FANCM: variants seen among roughly 807,000 people sequenced by gnomAD.
The protein encoded by FANCM is FA complementation group M, also known as Fanconi anemia group M protein.
FANCM carries 140 observed loss-of-function variants against 199.5 expected under a neutral mutation model. That is an observed-to-expected ratio of 0.70 (90% CI 0.61 to 0.81). The LOEUF (loss-of-function observed/expected upper bound fraction) is 0.81. Ranked by LOEUF, FANCM falls within the 30% of genes least tolerant of loss-of-function variation. FANCM has a pLI of 0.00. For synonymous variants in FANCM, 840 were observed against 836.8 expected (o/e 1.00, Z -0.07); for missense variants, 2,410 against 2,421.4 (o/e 1.00, Z 0.10).
At chr14:45,144,545 C>T (rs1036203017) in intron 3 of FANCM, among the ~76,000 whole-genome samples, 1 of 152,190 alleles carries the variant, frequency 6.6e-6, no homozygotes. Flanking sequence ...GCTAAGCTTG[C>T]ACTCAAAGCA....
Position 45,185,392 on chromosome 14 carries a change from C to T in FANCM, c.4672+19C>T. ...ATAAATGGTAAATGTTATAATGATC[C>T]TTAAAATTTTTTTCAATGTTTTTAT... On this transcript the variant is annotated intron_variant, in intron 18 of 22. Coordinates refer to ENST00000267430, the MANE Select transcript of FANCM (RefSeq NM_020937.4). 4 of 1,482,322 alleles carry T rather than the reference C, an allele frequency of 2.7e-6. No individual in the cohort carries two copies. Among genetic ancestry groups the T allele is most frequent in the Non-Finnish European group, 3.7e-6 (4 of 1,086,048 alleles). The allele number at this position is 1,482,322 out of a possible 1,614,324, so 91.8% of individuals were successfully genotyped here. A position where few individuals can be genotyped will look rare whatever the true frequency, so the allele number is the denominator to read the frequency against.
Position 45,196,355 on chromosome 14 carries a change from G to A in FANCM, c.5524G>A (p.Gly1842Arg). 1.2e-6 allele frequency: 2 copies of A among 1,614,088 alleles called. No homozygotes were observed. The highest frequency in any genetic ancestry group is 2.2e-5 in the South Asian group (2 of 91,074). Residue 1842 changes from glycine (G) to arginine (R), a missense_variant, in exon 21 of 23, where the codon GGG (glycine) becomes AGG (arginine). Gly to Arg is a moderately radical substitution (Grantham distance 125, BLOSUM62 -2). Coordinates refer to ENST00000267430, the MANE Select transcript of FANCM (RefSeq NM_020937.4). Reference sequence around the variant, plus strand: ...AATTTCTTCCCTAAGAGCAATTCATGGGTTGCAAGTAGAAGTTTGTCCTCT... The same window carrying A: ...AATTTCTTCCCTAAGAGCAATTCATAGGTTGCAAGTAGAAGTTTGTCCTCT... ...EVISSLRAIH[G>R]LQVEVCPLNG...
At chr14:45,146,007 C>A (rs371752855) in intron 3 of FANCM, among the ~76,000 whole-genome samples, 54 of 144,960 alleles carry the variant, frequency 3.7e-4, no homozygotes, top group Non-Finnish European at 7.4e-4. Flanking sequence ...TGCAGTGAGC[C>A]GAGATCCCGC....
chr14:45,142,702 G>A (rs1267320039), intron 3 of FANCM, among the ~76,000 whole-genome samples: 1 of 152,016 alleles, frequency 6.6e-6, no homozygotes, highest in African/African-American at 2.4e-5. Context: ...TAAGTCTGAT[G>A]TTTTCTCATG....
At chr14:45,141,521 C>T (rs956479477) in intron 3 of FANCM, among the ~76,000 whole-genome samples, 2 of 140,894 alleles carry the variant, frequency 1.4e-5, no homozygotes, top group African/African-American at 5.2e-5. Flanking sequence ...CCTCCCCTCC[C>T]CTTCCTCCTC....
At chr14:45,139,558 C>T (rs755532211) in intron 2 of FANCM, among the ~76,000 whole-genome samples, 6 of 152,066 alleles carry the variant, frequency 3.9e-5, no homozygotes, top group Non-Finnish European at 7.3e-5. Context: ...GAATGGGTGT[C>T]GAGTTCAAAC....
chr14:45,137,350 CT>C, intron 2 of FANCM, 109 bp downstream of exon 2: 1 of 860,660 alleles, frequency 1.2e-6, no homozygotes, highest in Non-Finnish European at 1.9e-6. Context: ...TATAAAAAGC[CT>C]TTACGTCTAT....
chr14:45,140,409 T>C (rs1196519837), intron 2 of FANCM, among the ~76,000 whole-genome samples: 1 of 152,156 alleles, frequency 6.6e-6, no homozygotes, highest in Non-Finnish European at 1.5e-5. Context: ...GATGTTGCAG[T>C]TTTTTCTGTA....
At position 45,164,449 on chromosome 14, in the gene FANCM, A is replaced by G; in HGVS notation, c.1672A>G (p.Ile558Val). 2 of 1,613,650 alleles carry G rather than the reference A, an allele frequency of 1.2e-6. No homozygotes were observed. The highest frequency in any genetic ancestry group is 1.3e-5 in the African/African-American group (1 of 75,046). ...EGLDIGEVDLIICFDSQKSPI... is the reference protein window; with the variant it reads ...EGLDIGEVDLVICFDSQKSPI... ...TTTGGATATAGGAGAAGTTGATCTT[A>G]TAATATGTTTTGATTCCCAGAAGAG... The change falls in exon 10 of 23, where the codon ATA (isoleucine) becomes GTA (valine). Residue 558 changes from isoleucine (I) to valine (V), a missense_variant. Ile to Val is a conservative substitution (Grantham distance 29). Coordinates refer to ENST00000267430, the MANE Select transcript of FANCM (RefSeq NM_020937.4).
At chr14:45,182,559 C>T (rs768962564) in intron 16 of FANCM, among the ~76,000 whole-genome samples, 8 of 152,120 alleles carry the variant, frequency 5.3e-5, no homozygotes, top group African/African-American at 1.9e-4. Flanking sequence ...AAAGTCACAG[C>T]GTCTGGCAGG....
In FANCM at chr14:45,200,770, T is replaced by A. The variant is rs1890311294; in HGVS notation, c.*762T>A. ...TTCCTCTGTTCACTCTGCAGTTCTC[T>A]TGCCTACTGCCATGTGGAAAAGGAA... is the stretch of plus-strand genomic sequence containing the variant. On this transcript the variant is annotated 3_prime_UTR_variant, in exon 23 of 23. Coordinates refer to ENST00000267430, the MANE Select transcript of FANCM (RefSeq NM_020937.4). 6.6e-6 allele frequency: 1 copy of A among 152,236 alleles called. No homozygotes were observed. The highest frequency in any genetic ancestry group is 2.4e-5 in the African/African-American group (1 of 41,460). 9.4% of individuals were successfully genotyped at this position (152,236 alleles called of 1,614,324 possible).
rs768614750 is a variant in FANCM, at chr14:45,175,323, G to C, written c.2569G>C (p.Val857Leu). The change falls in exon 14 of 23, where the codon GTG becomes CTG. Residue 857 changes from valine to leucine, a missense_variant. Physicochemically the swap from Val to Leu is conservative, Grantham distance 32. Transcript: ENST00000267430. ...TAAAATTGTTTCTTTAAAGAAAAAAGTGTCTAAAGAAATAAAAAAAGATCA... is the reference window on the plus strand; with the variant it reads ...TAAAATTGTTTCTTTAAAGAAAAAACTGTCTAAAGAAATAAAAAAAGATCA... ...PTKIVSLKKKVSKEIKKDQLK... is the reference protein window; with the variant it reads ...PTKIVSLKKKLSKEIKKDQLK... 5 of 1,561,292 alleles carry C rather than the reference G, an allele frequency of 3.2e-6. No homozygotes were observed. In the East Asian group the frequency reaches 6.7e-5, roughly 21 times the overall value.
At chr14:45,179,703 A>C (rs1270892274) in intron 14 of FANCM, among the ~76,000 whole-genome samples, 1 of 151,358 alleles carries the variant, frequency 6.6e-6, no homozygotes, top group South Asian at 2.1e-4. Context: ...CTGGCACTGT[A>C]GGCGCCTGCC....
At chr14:45,174,919 A>T (rs1888565242) in intron 13 of FANCM, 152 bp from the exon 14 acceptor site, 1 of 560,944 alleles carries the variant, frequency 1.8e-6, no homozygotes, top group African/African-American at 1.9e-5. Context: ...TATAATTTTG[A>T]TTTATCGGAA....
rs929321771 is a variant in FANCM, at chr14:45,152,021, T to C, written c.1050+493T>C. 6.0e-5 allele frequency among the ~76,000 whole-genome samples: 9 copies of C among 151,198 alleles called. No homozygotes were observed. In the East Asian group the frequency reaches 1.7e-3, roughly 29 times the overall value. On this transcript the variant is annotated intron_variant, in intron 5 of 22. Transcript: ENST00000267430. ...ATTTGAATTAGGATAAATTTTACCT[T>C]TTAACTTTTTCTTTTTTTTTTTTTT...
intron 19 of FANCM, among the ~76,000 whole-genome samples, chr14:45,188,339 C>CA (rs1397504175): frequency 1.3e-5 from 2 of 152,216 alleles, no homozygotes; most frequent in Non-Finnish European, 2.9e-5. Context: ...AACTCCATCT[C>CA]AAAAAGTAAA....
chr14:45,154,262 A>G (rs1268184211), intron 6 of FANCM, among the ~76,000 whole-genome samples: 1 of 152,000 alleles, frequency 6.6e-6, no homozygotes, highest in Admixed American at 6.6e-5. Flanking sequence ...TTAGCTGGGT[A>G]TGATGGTGCA....
intron 14 of FANCM, 33 bp downstream of exon 14, chr14:45,177,009 T>C (rs750978557): frequency 7.5e-7 from 1 of 1,329,510 alleles, no homozygotes; most frequent in Non-Finnish European, 1.1e-6. Context: ...TCTATAACTC[T>C]TTCTAGAATA....
intron 4 of FANCM, among the ~76,000 whole-genome samples, chr14:45,149,626 C>A (rs1406728102): frequency 1.3e-5 from 2 of 152,136 alleles, no homozygotes; most frequent in Admixed American, 1.3e-4. Context: ...CCCCGACCTC[C>A]CAAAGTGCTG....
Sources: allele counts gnomAD v4.1 joint callset (sites outside exome capture counted in the v4.1 genomes callset), GRCh38; gene constraint gnomAD v4.1.1; transcripts MANE v1.5; gene names NCBI Gene and HGNC (gene_info 2026-07-23, HGNC 2026-07-21).